The following LRGUK variants were observed in gnomAD, a reference collection of about 807,000 sequenced individuals.
LRGUK encodes leucine-rich repeat and guanylate kinase domain-containing protein.
LRGUK carries 65 observed loss-of-function variants against 76.0 expected under a neutral mutation model. The ratio of observed to expected loss-of-function variants is 0.85; its 90% CI spans 0.70 to 1.05. The LOEUF (loss-of-function observed/expected upper bound fraction) is 1.05. Among genes scored for constraint, LRGUK ranks in the 50% least tolerant of loss-of-function variants. The pLI is 0.00. For synonymous variants in LRGUK, 268 were observed against 265.6 expected, an observed-to-expected ratio of 1.01 and a Z score of -0.09; for missense variants, 758 against 732.8, an observed-to-expected ratio of 1.03 and a Z score of -0.40.
chr7:134,190,452 C>T (rs907612904), intron 11 of LRGUK, among the ~76,000 whole-genome samples: 17 of 152,250 alleles, frequency 1.1e-4, no homozygotes, highest in African/African-American at 3.6e-4. Flanking sequence ...AAGCAATCCT[C>T]CTGCCTTGGC....
chr7:134,141,801 G>A (rs775245015), intron 3 of LRGUK: 1 of 152,130 alleles, frequency 6.6e-6, no homozygotes, highest in Non-Finnish European at 1.5e-5. Context: ...TTTCTCCTTA[G>A]GTTTCCTCGA....
chr7:134,137,607 G>GA (rs11287619), intron 2 of LRGUK, among the ~76,000 whole-genome samples: 1 of 151,686 alleles, frequency 6.6e-6, no homozygotes, highest in African/African-American at 2.4e-5. Flanking sequence ...TATCATTAAA[G>GA]AAAAAAAAAA....
intron 16 of LRGUK, among the ~76,000 whole-genome samples, chr7:134,225,049 T>C (rs1369328211): frequency 7.9e-6 from 1 of 126,226 alleles, no homozygotes. Context: ...TGAAACTCCA[T>C]CTCAAAAAGA....
downstream of LRGUK, among the ~76,000 whole-genome samples, chr7:134,266,553 GA>G (rs1802859328): frequency 6.6e-6 from 1 of 151,968 alleles, no homozygotes; most frequent in South Asian, 2.1e-4. Context: ...GAGGACAGAG[GA>G]AAAAAACTTA....
chr7:134,230,214 T>A (rs919311930), intron 16 of LRGUK, among the ~76,000 whole-genome samples: 1 of 152,166 alleles, frequency 6.6e-6, no homozygotes, highest in African/African-American at 2.4e-5. Flanking sequence ...GGAAAATCCC[T>A]TCACAAAATA....
At chr7:134,178,423 C>G in intron 9 of LRGUK, 80 bp from the exon 10 acceptor site, 1 of 1,037,574 alleles carries the variant, frequency 9.6e-7, no homozygotes, top group Non-Finnish European at 1.4e-6. Flanking sequence ...AACAACATTT[C>G]ATTAAGGAAA....
chr7:134,274,036 C>T, the LRGUK span, among the ~76,000 whole-genome samples: 2 of 152,166 alleles, frequency 1.3e-5, no homozygotes, highest in Admixed American at 1.3e-4. Context: ...CTGTCTTCCA[C>T]AAGCAGCACT....
chr7:134,135,081 A>T (rs1367492162), intron 1 of LRGUK, among the ~76,000 whole-genome samples: 1 of 152,194 alleles, frequency 6.6e-6, no homozygotes, highest in Non-Finnish European at 1.5e-5. Context: ...ATAAATTTGT[A>T]ATATTTGTGG....
intron 18 of LRGUK, among the ~76,000 whole-genome samples, chr7:134,250,726 G>T (rs74665326): frequency 6.6e-6 from 1 of 152,146 alleles, no homozygotes; most frequent in African/African-American, 2.4e-5. Flanking sequence ...CTGTAACCGT[G>T]TTGAAACTGT....
exon 14 of LRGUK, chr7:134,199,370 A>T: frequency 6.2e-7 from 1 of 1,613,818 alleles, no homozygotes; most frequent in Non-Finnish European, 8.5e-7. Flanking sequence ...GGACCTTTAT[A>T]TTAAAATTAA....
chr7:134,184,759 T>A (rs546045482), intron 11 of LRGUK, among the ~76,000 whole-genome samples: 2 of 152,194 alleles, frequency 1.3e-5, no homozygotes, highest in South Asian at 2.1e-4. Context: ...ATACACTGTA[T>A]TTTTTTTAAC....
chr7:134,149,907 C>A (rs1405075525), intron 5 of LRGUK, among the ~76,000 whole-genome samples: 1 of 152,084 alleles, frequency 6.6e-6, no homozygotes, highest in Admixed American at 6.5e-5. Flanking sequence ...CCATTGCAGA[C>A]CTAAGAAATC....
chr7:134,196,251 A>C (rs886262004), intron 12 of LRGUK, among the ~76,000 whole-genome samples: 1 of 152,212 alleles, frequency 6.6e-6, no homozygotes, highest in Non-Finnish European at 1.5e-5. Flanking sequence ...TAGTATTGCC[A>C]AAGAAAAAAT....
At chr7:134,180,310 A>G (rs1048575180) in intron 10 of LRGUK, among the ~76,000 whole-genome samples, 25 of 149,288 alleles carry the variant, frequency 1.7e-4, no homozygotes, top group African/African-American at 6.2e-4. Context: ...CCATCCATCC[A>G]TCCATCCATC....
chr7:134,158,608 A>G (rs1798584923), intron 6 of LRGUK, among the ~76,000 whole-genome samples: 1 of 152,186 alleles, frequency 6.6e-6, no homozygotes, highest in South Asian at 2.1e-4. Context: ...CAGTCCTTTT[A>G]TTTTAACATG....
intron 3 of LRGUK, among the ~76,000 whole-genome samples, chr7:134,142,389 T>C (rs1797802556): frequency 6.6e-6 from 1 of 152,244 alleles, no homozygotes; most frequent in African/African-American, 2.4e-5. Flanking sequence ...TTATCTTTTA[T>C]ATGTAATTTC....
intron 11 of LRGUK, 41 bp downstream of exon 11, chr7:134,183,894 C>T (rs776763242): frequency 6.2e-7 from 1 of 1,607,406 alleles, no homozygotes; most frequent in Non-Finnish European, 8.5e-7. Context: ...GGAAATTCAT[C>T]CGAATTATTG....
intron 19 of LRGUK, among the ~76,000 whole-genome samples, chr7:134,263,174 T>C (rs1175626535): frequency 2.6e-5 from 4 of 152,116 alleles, no homozygotes; most frequent in East Asian, 3.8e-4. Flanking sequence ...TCACTCTCTA[T>C]AGAATCCTCT....
At chr7:134,173,865 C>T (rs1799366396) in intron 7 of LRGUK, among the ~76,000 whole-genome samples, 1 of 152,120 alleles carries the variant, frequency 6.6e-6, no homozygotes, top group Admixed American at 6.5e-5. Flanking sequence ...AATCCCAGAA[C>T]TTTGGGAGGC....
Sources: allele counts gnomAD v4.1 joint callset (sites outside exome capture counted in the v4.1 genomes callset), GRCh38; gene constraint gnomAD v4.1.1; transcripts MANE v1.5; gene names NCBI Gene and HGNC (gene_info 2026-07-23, HGNC 2026-07-21).